Variants in MDFIC2 observed in about 807,000 individuals in gnomAD.
MDFIC2 encodes MyoD family inhibitor domain containing 2, also known as myoD family inhibitor domain-containing protein 2.
intron 2 of MDFIC2, among the ~76,000 whole-genome samples, chr3:70,209,216 A>G (rs954433290): frequency 6.6e-6 from 1 of 152,066 alleles, no homozygotes; most frequent in African/African-American, 2.4e-5. Flanking sequence ...ATTTTTTGGC[A>G]TGGAGAGATT....
At chr3:70,232,078 G>A (rs62254857) in intron 2 of MDFIC2, among the ~76,000 whole-genome samples, 27,116 of 152,070 alleles carry the variant, frequency 0.18, 2,730 homozygotes, top group Non-Finnish European at 0.23. Context: ...AATGAACTGG[G>A]AGATGTGCTT....
At chr3:70,226,607 G>A (rs1023032695) in intron 2 of MDFIC2, among the ~76,000 whole-genome samples, 3 of 151,710 alleles carry the variant, frequency 2.0e-5, no homozygotes, top group Middle Eastern at 3.4e-3. Flanking sequence ...GCATGGTGGC[G>A]GGTGCCTGTA....
chr3:70,199,613 T>C (rs893796216), intron 3 of MDFIC2, among the ~76,000 whole-genome samples: 7 of 152,184 alleles, frequency 4.6e-5, no homozygotes, highest in Non-Finnish European at 7.4e-5. Context: ...AAAAGGCATG[T>C]TAAATAGTTC....
intron 2 of MDFIC2, among the ~76,000 whole-genome samples, chr3:70,310,523 A>G (rs1284079642): frequency 6.6e-6 from 1 of 151,862 alleles, no homozygotes; most frequent in Non-Finnish European, 1.5e-5. Flanking sequence ...GTGCCACCAC[A>G]TCTGACTGAT....
intron 2 of MDFIC2, among the ~76,000 whole-genome samples, chr3:70,208,564 T>C (rs1485935613): frequency 6.6e-6 from 1 of 151,912 alleles, no homozygotes; most frequent in African/African-American, 2.4e-5. Flanking sequence ...CAATCCTTGG[T>C]GGGATGGGAG....
chr3:70,240,799 A>G (rs190818719), intron 2 of MDFIC2, among the ~76,000 whole-genome samples: 1 of 152,310 alleles, frequency 6.6e-6, no homozygotes, highest in Admixed American at 6.5e-5. Context: ...ACCGGGGCAC[A>G]TCACTGTAAT....
At chr3:70,238,056 G>A (rs1125008) in intron 2 of MDFIC2, among the ~76,000 whole-genome samples, 123,667 of 141,640 alleles carry the variant, frequency 0.87, 54,798 homozygotes, top group Non-Finnish European at 0.96. Flanking sequence ...TTATAGTGAC[G>A]AACCTATTCT....
intron 2 of MDFIC2, among the ~76,000 whole-genome samples, chr3:70,244,050 C>T (rs975989098): frequency 2.6e-5 from 4 of 152,164 alleles, no homozygotes; most frequent in Non-Finnish European, 5.9e-5. Context: ...TCTAATTCTT[C>T]ACAGATTTTC....
intron 2 of MDFIC2, among the ~76,000 whole-genome samples, chr3:70,284,918 G>A (rs150166036): frequency 1.3e-5 from 2 of 152,062 alleles, no homozygotes; most frequent in African/African-American, 2.4e-5. Flanking sequence ...ACAAAAAAGA[G>A]TAAATGGCAT....
In MDFIC2 at chr3:70,309,883, C is replaced by T. The variant is rs186268761; in HGVS notation, c.88+2003G>A. 1.2e-3 allele frequency among the ~76,000 whole-genome samples: 182 copies of T among 152,196 alleles called. 1 individual carries two copies. The highest frequency in any genetic ancestry group is 1.5e-3 in the East Asian group (8 of 5,178). ...ATAGATTACAAGAATTCAATGCCTA[C>T]GCTGTACTTAATGGACACGATTCTT... On this transcript the variant is annotated intron_variant, in intron 2 of 3. Coordinates refer to ENST00000567252, the MANE Select transcript of MDFIC2 (RefSeq NM_001364677.1).
intron 2 of MDFIC2, among the ~76,000 whole-genome samples, chr3:70,297,002 C>T (rs1702295715): frequency 6.6e-6 from 1 of 151,968 alleles, no homozygotes; most frequent in African/African-American, 2.4e-5. Context: ...AACCGCCTCC[C>T]CCACCACACA....
intron 2 of MDFIC2, among the ~76,000 whole-genome samples, chr3:70,282,832 A>C (rs2106683480): frequency 6.6e-6 from 1 of 152,318 alleles, no homozygotes; most frequent in Non-Finnish European, 1.5e-5. Flanking sequence ...ATGAAGGATG[A>C]CCATAGCAGT....
At chr3:70,221,677 G>T (rs1701460893) in intron 2 of MDFIC2, among the ~76,000 whole-genome samples, 1 of 152,172 alleles carries the variant, frequency 6.6e-6, no homozygotes, top group Admixed American at 6.5e-5. Context: ...ACTGGTCAAT[G>T]ATGCCAAGGT....
At chr3:70,244,540 G>C (rs540346340) in intron 2 of MDFIC2, among the ~76,000 whole-genome samples, 11 of 152,252 alleles carry the variant, frequency 7.2e-5, no homozygotes, top group East Asian at 1.9e-4. Flanking sequence ...AAATCTATTT[G>C]ATCAATATAT....
intron 2 of MDFIC2, among the ~76,000 whole-genome samples, chr3:70,256,512 T>A (rs1701817830): frequency 6.6e-6 from 1 of 152,222 alleles, no homozygotes; most frequent in South Asian, 2.1e-4. Flanking sequence ...TAGTTCTTCT[T>A]AAGTGCCATG....
intron 2 of MDFIC2, among the ~76,000 whole-genome samples, chr3:70,286,689 G>A (rs900935472): frequency 1.3e-5 from 2 of 152,074 alleles, no homozygotes; most frequent in Non-Finnish European, 2.9e-5. Context: ...TCCTACCCAT[G>A]AGCATGGAAT....
intron 2 of MDFIC2, among the ~76,000 whole-genome samples, chr3:70,299,077 A>G (rs113367963): frequency 2.0e-5 from 3 of 152,138 alleles, no homozygotes; most frequent in African/African-American, 7.2e-5. Context: ...ATACCAAAAC[A>G]TATCATAATG....
chr3:70,207,411 A>G (rs1285925455), intron 2 of MDFIC2, among the ~76,000 whole-genome samples: 3 of 151,974 alleles, frequency 2.0e-5, no homozygotes, highest in Non-Finnish European at 4.4e-5. Context: ...AACATGCTTT[A>G]TTTCCACATA....
intron 3 of MDFIC2, among the ~76,000 whole-genome samples, chr3:70,199,272 T>C (rs1348329241): frequency 1.3e-5 from 2 of 152,202 alleles, no homozygotes; most frequent in Admixed American, 6.5e-5. Context: ...TATAATTTCC[T>C]GAGAGTGTAC....
Sources: gnomAD v4.1 joint callset for allele counts (sites outside exome capture counted in the v4.1 genomes callset) on GRCh38, gnomAD v4.1.1 for gene constraint, MANE v1.5 for transcripts, NCBI Gene and HGNC (gene_info 2026-07-23, HGNC 2026-07-21) for gene names.